The following MIA2 variants were observed in gnomAD, a reference collection of about 807,000 sequenced individuals.
MIA2 encodes the protein MIA SH3 domain ER export factor 2.
MIA2 carries 127 observed loss-of-function variants against 167.8 expected under a neutral mutation model. The ratio of observed to expected loss-of-function variants is 0.76; its 90% CI spans 0.66 to 0.88. The LOEUF is 0.88. MIA2 is among the 40% of genes least tolerant of loss of function. The pLI, the probability that MIA2 is intolerant of heterozygous loss-of-function variation, is 0.00. For missense variants in MIA2, 1,690 were observed against 1,624.7 expected, an observed-to-expected ratio of 1.04 and a Z score of -0.69; for synonymous variants, 552 against 541.9, an observed-to-expected ratio of 1.02 and a Z score of -0.26.
chr14:39,237,921 G>GTAGAGATGGAGT (rs2053833451), intron 2 of MIA2, among the ~76,000 whole-genome samples: 2 of 151,646 alleles, frequency 1.3e-5, no homozygotes, highest in Non-Finnish European at 2.9e-5. Flanking sequence ...TGTATTTCTA[G>GTAGAGATGGAGT]TAGAGATGGA....
intron 4 of MIA2, among the ~76,000 whole-genome samples, chr14:39,250,992 C>T (rs1220348228): frequency 6.6e-6 from 1 of 151,666 alleles, no homozygotes; most frequent in Non-Finnish European, 1.5e-5. Flanking sequence ...AAAAAGCATC[C>T]TAAAAGAGAG....
At chr14:39,269,358 C>A (rs918428508) in intron 6 of MIA2, among the ~76,000 whole-genome samples, 1 of 151,858 alleles carries the variant, frequency 6.6e-6, no homozygotes, top group Admixed American at 6.6e-5. Context: ...ACCCCTCATC[C>A]CTTGACAACC....
intron 9 of MIA2, 88 bp downstream of exon 9, chr14:39,279,625 A>G (rs1307099605): frequency 3.6e-6 from 3 of 831,884 alleles, no homozygotes; most frequent in African/African-American, 3.5e-5. Context: ...ATTTAAGATT[A>G]TGAATGCTTT....
intron 6 of MIA2, chr14:39,265,489 CT>C (rs2055452856): frequency 1.6e-6 from 2 of 1,263,052 alleles, no homozygotes; most frequent in South Asian, 1.3e-5. Context: ...GTTTGTTAAG[CT>C]TTACTGTGTT....
chr14:39,287,374 C>T (rs958995089), intron 9 of MIA2, among the ~76,000 whole-genome samples: 3 of 151,286 alleles, frequency 2.0e-5, no homozygotes, highest in East Asian at 3.9e-4. Context: ...CGCACCCAGC[C>T]CTTCCAGTAC....
In MIA2 at chr14:39,238,811, A is replaced by AAAAAAAAAAAAAAAAAAAAAAC; in HGVS notation, c.250-1750_250-1749insAAAAAAAAAAAAAAAAAAAAAC. 6.9e-4 allele frequency among the ~76,000 whole-genome samples: 72 copies of AAAAAAAAAAAAAAAAAAAAAAC among 103,608 alleles called. 1 individual carries two copies. Among genetic ancestry groups the AAAAAAAAAAAAAAAAAAAAAAC allele is most frequent in the African/African-American group, 2.4e-3 (61 of 25,546 alleles). 68.0% of individuals were successfully genotyped at this position (103,608 alleles called of 152,430 possible). ...CCTGTCTCAAAAAAAAAAAAAAAAA[A>AAAAAAAAAAAAAAAAAAAAAAC]CCCAAAAAACAAAAAAACCTAGCTG... is the stretch of plus-strand genomic sequence containing the variant. On this transcript the variant is annotated intron_variant, in intron 2 of 28. Coordinates refer to ENST00000640607, the MANE Select transcript of MIA2 (RefSeq NM_001329214.4).
Position 39,246,987 on chromosome 14 carries a change from G to C in MIA2, c.413G>C (p.Gly138Ala). The stretch of plus-strand genomic sequence containing the variant: ...GATAGTGAATTAAACGGTGATTATG[G>C]TGAAAATATATATCCTTATGAAGAA... ...NEDSELNGDY[G>A]ENIYPYEEDK... Residue 138 changes from glycine to alanine, a missense_variant, in exon 4 of 29, where the codon GGT becomes GCT. Gly to Ala is a moderately conservative substitution (Grantham distance 60, BLOSUM62 0). Coordinates refer to ENST00000640607, the MANE Select transcript of MIA2 (RefSeq NM_001329214.4). 1 of 1,560,694 alleles carries C rather than the reference G, an allele frequency of 6.4e-7. No individual in the cohort carries two copies. The highest frequency in any genetic ancestry group is 8.6e-7 in the Non-Finnish European group (1 of 1,159,340).
At chr14:39,293,774 G>C (rs1256584449) in intron 11 of MIA2, among the ~76,000 whole-genome samples, 1 of 152,114 alleles carries the variant, frequency 6.6e-6, no homozygotes, top group Non-Finnish European at 1.5e-5. Context: ...CTTATCTTGA[G>C]CCTATATAAC....
intron 1 of MIA2, among the ~76,000 whole-genome samples, chr14:39,236,050 G>A (rs1262336917): frequency 1.3e-5 from 2 of 152,082 alleles, no homozygotes; most frequent in African/African-American, 4.8e-5. Context: ...AGTTATTGAG[G>A]CCTACTACAC....
chr14:39,383,263 G>A (rs759907227), intron 23 of MIA2, among the ~76,000 whole-genome samples: 2 of 152,064 alleles, frequency 1.3e-5, no homozygotes, highest in Non-Finnish European at 2.9e-5. Flanking sequence ...TTGTGTCTCT[G>A]TGTGACACTT....
In MIA2 at chr14:39,313,387, TTTCTAAAGTAGATGAAA is replaced by T; in HGVS notation, c.3066_3082del (p.Ser1023AspfsTer6). ...TATCGGTTAGAGAAAGAAGAGAAAC[TTTCTAAAGTAGATGAAA>T]AGATCAGCCATGCCACTGAAGAGCT... On this transcript the variant is annotated frameshift_variant, in exon 19 of 29. Coordinates refer to ENST00000640607, the MANE Select transcript of MIA2 (RefSeq NM_001329214.4). LOFTEE classifies it high-confidence loss of function. 6.2e-7 allele frequency: 1 copy of T among 1,603,618 alleles called. No individual in the cohort carries two copies. The highest frequency in any genetic ancestry group is 8.5e-7 in the Non-Finnish European group (1 of 1,175,276).
At chr14:39,325,366 A>ATT (rs1203450043) in intron 24 of MIA2, among the ~76,000 whole-genome samples, 50 of 136,978 alleles carry the variant, frequency 3.7e-4, no homozygotes, top group Non-Finnish European at 4.1e-4. Context: ...TGAATGTTAA[A>ATT]TTTTTTTTTT....
Position 39,317,980 on chromosome 14 carries a change from T to A in MIA2, c.3253T>A (p.Leu1085Ile). 6.3e-7 allele frequency: 1 copy of A among 1,584,066 alleles called. No individual in the cohort carries two copies. The highest frequency in any genetic ancestry group is 8.6e-7 in the Non-Finnish European group (1 of 1,169,146). Residue 1085 changes from leucine (L) to isoleucine (I), a missense_variant, in exon 22 of 29, where the codon TTA (leucine) becomes ATA (isoleucine). Coordinates refer to ENST00000640607, the MANE Select transcript of MIA2 (RefSeq NM_001329214.4). ...GAATGCTGAAAGAAACCTCAATGATTTAAGGAAAGAAAATGCTCACAACAG... is the reference window on the plus strand; with the variant it reads ...GAATGCTGAAAGAAACCTCAATGATATAAGGAAAGAAAATGCTCACAACAG... ...ARNAERNLND[L>I]RKENAHNRQK...
intron 6 of MIA2, among the ~76,000 whole-genome samples, chr14:39,263,724 T>TTGGG (rs2055262481): frequency 6.6e-6 from 1 of 151,330 alleles, no homozygotes; most frequent in Non-Finnish European, 1.5e-5. Context: ...CTCGGCCTCC[T>TTGGG]GGGTTCAAAT....
chr14:39,349,633 G>A (rs1028581368), intron 28 of MIA2, among the ~76,000 whole-genome samples: 2 of 152,116 alleles, frequency 1.3e-5, no homozygotes, highest in African/African-American at 4.8e-5. Flanking sequence ...TAAAGTTAAA[G>A]GTGAATTAAA....
chr14:39,303,298 T>C (rs530910336), intron 15 of MIA2, among the ~76,000 whole-genome samples, 180 bp from the exon 16 acceptor site: 3 of 152,284 alleles, frequency 2.0e-5, no homozygotes, highest in Admixed American at 1.3e-4. Context: ...TCAGTGCTTT[T>C]ATTGTTTAGC....
chr14:39,283,749 T>C (rs907806251), intron 9 of MIA2, among the ~76,000 whole-genome samples: 4 of 152,226 alleles, frequency 2.6e-5, no homozygotes, highest in Non-Finnish European at 4.4e-5. Flanking sequence ...ATATCCTTGA[T>C]GATTGGTGAT....
intron 25 of MIA2, among the ~76,000 whole-genome samples, chr14:39,336,329 G>T (rs543080438): frequency 6.6e-6 from 1 of 152,246 alleles, no homozygotes; most frequent in African/African-American, 2.4e-5. Flanking sequence ...TTGTGGTTTT[G>T]ATCCAAACAT....
chr14:39,293,166 A>C, intron 10 of MIA2, 105 bp from the exon 11 acceptor site: 1 of 811,334 alleles, frequency 1.2e-6, no homozygotes, highest in East Asian at 2.7e-5. Context: ...CAAATGTATA[A>C]ATGAAAGTTA....
Sources: gnomAD v4.1 joint callset for allele counts (sites outside exome capture counted in the v4.1 genomes callset) on GRCh38, gnomAD v4.1.1 for gene constraint, MANE v1.5 for transcripts, NCBI Gene and HGNC (gene_info 2026-07-23, HGNC 2026-07-21) for gene names.